Variants in CDK14 observed in about 807,000 individuals in gnomAD.
CDK14 encodes cyclin-dependent kinase 14.
CDK14 carries 34 observed loss-of-function variants against 60.7 expected under a neutral mutation model. The observed-to-expected ratio is 0.56, with a 90% CI of 0.43 to 0.75. The LOEUF (loss-of-function observed/expected upper bound fraction) is 0.75, where lower values mean the gene tolerates loss of function less well. Among genes scored for constraint, CDK14 ranks in the 30% least tolerant of loss-of-function variants. CDK14 has a pLI of 0.00. For missense variants in CDK14, 482 were observed against 564.1 expected, an observed-to-expected ratio of 0.85 and a Z score of 1.47; for synonymous variants, 197 against 203.7, an observed-to-expected ratio of 0.97 and a Z score of 0.28.
chr7:91,018,202 G>C (rs1306284969), intron 10 of CDK14, among the ~76,000 whole-genome samples: 1 of 152,162 alleles, frequency 6.6e-6, no homozygotes, highest in African/African-American at 2.4e-5. Flanking sequence ...AGGCCTTTGG[G>C]TGTGAGCTCC....
chr7:90,917,693 T>C lies in CDK14; in HGVS notation c.795T>C (p.Ser265=), dbSNP rs1313557420. Residue 265 remains serine, a synonymous_variant, in exon 8 of 15, where the codon AGT becomes AGC. Transcript: ENST00000380050. ...TGAAACCACAGAACCTTCTGATCAG[T>C]GACACGGGGGAGTTAAAGCTGGCAG... ...RDLKPQNLLI[S]DTGELKLADF... 1.9e-6 allele frequency: 3 copies of C among 1,613,550 alleles called. No individual in the cohort carries two copies. Among genetic ancestry groups the C allele is most frequent in the Non-Finnish European group, 2.5e-6 (3 of 1,179,598 alleles).
intron 10 of CDK14, among the ~76,000 whole-genome samples, chr7:90,998,674 G>A (rs1477875897): frequency 6.6e-6 from 1 of 152,170 alleles, no homozygotes; most frequent in African/African-American, 2.4e-5. Flanking sequence ...GGATCACGAA[G>A]TCAGGAGATC....
chr7:90,870,060 C>G (rs1791316453), intron 6 of CDK14, among the ~76,000 whole-genome samples: 1 of 152,158 alleles, frequency 6.6e-6, no homozygotes, highest in South Asian at 2.1e-4. Context: ...AGCATTTTGG[C>G]TATTCTAATG....
At chr7:90,859,455 T>G (rs976879022) in intron 5 of CDK14, among the ~76,000 whole-genome samples, 3 of 152,222 alleles carry the variant, frequency 2.0e-5, no homozygotes, top group Admixed American at 2.0e-4. Flanking sequence ...CAGACTCATT[T>G]GCATGGTAAT....
chr7:91,076,449 G>A (rs1381114662), intron 11 of CDK14, among the ~76,000 whole-genome samples: 1 of 151,926 alleles, frequency 6.6e-6, no homozygotes, highest in African/African-American at 2.4e-5. Context: ...CTAGCCATAT[G>A]CAGAAAACTG....
chr7:90,931,590 A>ATG (rs778894050), intron 8 of CDK14, among the ~76,000 whole-genome samples: 1 of 152,146 alleles, frequency 6.6e-6, no homozygotes, highest in Non-Finnish European at 1.5e-5. Context: ...TGTATGGCTG[A>ATG]TGTGATGGGG....
intron 10 of CDK14, among the ~76,000 whole-genome samples, chr7:91,039,474 G>A (rs556797873): frequency 1.3e-5 from 2 of 152,264 alleles, no homozygotes; most frequent in South Asian, 2.1e-4. Context: ...AGTGAAAAAC[G>A]TGGGTCCCCT....
chr7:90,826,839 T>C (rs933551493), intron 5 of CDK14, among the ~76,000 whole-genome samples: 1 of 152,114 alleles, frequency 6.6e-6, no homozygotes, highest in East Asian at 1.9e-4. Context: ...TTGTGGTACA[T>C]TCATTACAAT....
chr7:90,622,255 T>A (rs1230543239), intron 2 of CDK14, among the ~76,000 whole-genome samples: 1 of 142,514 alleles, frequency 7.0e-6, no homozygotes, highest in Non-Finnish European at 1.5e-5. Flanking sequence ...GTCAATAATT[T>A]AGTGCCTGCA....
chr7:90,730,115 C>T (rs1802803599), intron 3 of CDK14, among the ~76,000 whole-genome samples: 1 of 152,132 alleles, frequency 6.6e-6, no homozygotes, highest in South Asian at 2.1e-4. Context: ...GTTTGGTTTT[C>T]TGTTCTTCTC....
intron 2 of CDK14, among the ~76,000 whole-genome samples, chr7:90,618,973 G>T (rs1218192696): frequency 6.6e-6 from 1 of 152,016 alleles, no homozygotes. Flanking sequence ...TCAGTTTTCC[G>T]GTCACCAAGC....
In CDK14 at chr7:90,885,877, C is replaced by G. The variant is rs1017711894; in HGVS notation, c.640-13414C>G. Among the ~76,000 whole-genome samples, 11 of 152,170 alleles carry G rather than the reference C, an allele frequency of 7.2e-5. No homozygotes were observed. In the South Asian group the frequency reaches 1.2e-3, roughly 17 times the overall value. On this transcript the variant is annotated intron_variant, in intron 6 of 14. Transcript: ENST00000380050. ...GTTGAACATTGAGAACACATGGACA[C>G]AGAGAAGAACAAAACACACCAGGGC...
At chr7:91,030,941 C>T (rs1796743358) in intron 10 of CDK14, among the ~76,000 whole-genome samples, 1 of 152,204 alleles carries the variant, frequency 6.6e-6, no homozygotes, top group African/African-American at 2.4e-5. Flanking sequence ...GAGCCTTGTC[C>T]TGCTGCCTGG....
intron 12 of CDK14, among the ~76,000 whole-genome samples, chr7:91,095,338 G>A (rs1211190481): frequency 6.6e-6 from 1 of 152,210 alleles, no homozygotes; most frequent in Admixed American, 6.5e-5. Context: ...AATGTGGGGA[G>A]AGTGAGAGAA....
intron 9 of CDK14, among the ~76,000 whole-genome samples, chr7:90,967,513 C>T (rs1320051991): frequency 2.0e-5 from 3 of 152,138 alleles, no homozygotes; most frequent in Admixed American, 6.5e-5. Context: ...AGGCAGGAAA[C>T]TCGTGACTGC....
intron 14 of CDK14, among the ~76,000 whole-genome samples, chr7:91,134,080 C>T (rs779183965): frequency 5.9e-5 from 9 of 152,154 alleles, no homozygotes; most frequent in Non-Finnish European, 1.0e-4. Context: ...TCTCCACCTG[C>T]TGCTAATCTC....
intron 7 of CDK14, among the ~76,000 whole-genome samples, chr7:90,911,992 G>T (rs1343719508): frequency 6.6e-6 from 1 of 152,138 alleles, no homozygotes; most frequent in African/African-American, 2.4e-5. Context: ...TCTGCTGCTG[G>T]CAAAAATGTC....
At chr7:90,811,912 A>G (rs1443096992) in intron 5 of CDK14, among the ~76,000 whole-genome samples, 4 of 152,222 alleles carry the variant, frequency 2.6e-5, no homozygotes, top group African/African-American at 7.2e-5. Flanking sequence ...CAAAGCCACA[A>G]TGAGATACCA....
intron 12 of CDK14, chr7:91,107,387 G>A (rs1799335746): frequency 6.6e-6 from 1 of 152,210 alleles, no homozygotes; most frequent in South Asian, 2.1e-4. Flanking sequence ...TTAAATGAAT[G>A]TTAAAGGAAA....
Sources: gnomAD v4.1 joint callset for allele counts (sites outside exome capture counted in the v4.1 genomes callset) on GRCh38, gnomAD v4.1.1 for gene constraint, MANE v1.5 for transcripts, NCBI Gene and HGNC (gene_info 2026-07-23, HGNC 2026-07-21) for gene names.